Variants in ZBTB7C observed in about 807,000 individuals in gnomAD.
ZBTB7C encodes the protein zinc finger and BTB domain containing 7C, also known as zinc finger and BTB domain-containing protein 7C.
A neutral mutation model predicts 25.7 loss-of-function variants in ZBTB7C; 8 were observed. The ratio of observed to expected loss-of-function variants is 0.31; its 90% CI spans 0.18 to 0.56. The LOEUF is 0.56. ZBTB7C is among the 20% of genes least tolerant of loss of function. The probability of loss-of-function intolerance (pLI) is 0.91; values close to 1 mark genes in which losing one functional copy is unlikely to be tolerated. For synonymous variants in ZBTB7C, 394 were observed against 369.0 expected (o/e 1.07, Z -0.78); for missense variants, 824 against 855.2 (o/e 0.96, Z 0.46).
intron 2 of ZBTB7C, among the ~76,000 whole-genome samples, chr18:48,238,244 T>C (rs927603253): frequency 6.6e-6 from 1 of 152,174 alleles, no homozygotes; most frequent in African/African-American, 2.4e-5. Context: ...TGCATATAAG[T>C]GTTATGCACT....
intron 3 of ZBTB7C, among the ~76,000 whole-genome samples, chr18:48,052,724 G>T (rs1179847424): frequency 6.6e-6 from 1 of 152,214 alleles, no homozygotes; most frequent in Non-Finnish European, 1.5e-5. Context: ...TCCTAGCTCT[G>T]CTCTGCAACT....
rs562341486 is a variant in ZBTB7C at position 48,144,257 on chromosome 18, C to T, written c.-17+41677G>A. On this transcript the variant is annotated intron_variant, in intron 3 of 4. Coordinates refer to ENST00000590800, the MANE Select transcript of ZBTB7C (RefSeq NM_001318841.2). ...TTGCACCACTGCACTCTAGCCTGGGCGACAGAGCAAGACACCTTCTCAAAA... is the reference window on the plus strand; with the variant it reads ...TTGCACCACTGCACTCTAGCCTGGGTGACAGAGCAAGACACCTTCTCAAAA... Among the ~76,000 whole-genome samples the T allele has an allele frequency of 2.4e-3, 357 of 151,136 alleles. 2 individuals are homozygous for T. Among genetic ancestry groups the T allele is most frequent in the Middle Eastern group, 0.014 (4 of 294 alleles).
chr18:48,284,746 G>A (rs559460789), intron 2 of ZBTB7C, among the ~76,000 whole-genome samples: 86 of 140,290 alleles, frequency 6.1e-4, no homozygotes, highest in African/African-American at 2.1e-3. Flanking sequence ...AGCCAAGATC[G>A]TACCACAGCA....
chr18:48,243,975 T>A (rs2043603502), intron 2 of ZBTB7C, among the ~76,000 whole-genome samples: 1 of 152,146 alleles, frequency 6.6e-6, no homozygotes, highest in African/African-American at 2.4e-5. Flanking sequence ...AAGCCACATG[T>A]AGAAGAATGA....
intron 2 of ZBTB7C, among the ~76,000 whole-genome samples, chr18:48,229,235 G>T (rs1034318814): frequency 1.3e-5 from 2 of 152,158 alleles, no homozygotes; most frequent in Admixed American, 1.3e-4. Flanking sequence ...CACCCACTCT[G>T]GTGACTTCAA....
intron 2 of ZBTB7C, among the ~76,000 whole-genome samples, chr18:48,186,853 C>T (rs147944118): frequency 6.6e-6 from 1 of 152,276 alleles, no homozygotes; most frequent in Non-Finnish European, 1.5e-5. Flanking sequence ...TGGCTAAATA[C>T]ATTTTCGAAG....
rs766961340 is a variant in ZBTB7C, at chr18:48,038,086, C to T, written c.1208+1814G>A. On this transcript the variant is annotated intron_variant, in intron 4 of 4. Coordinates refer to ENST00000590800, the MANE Select transcript of ZBTB7C (RefSeq NM_001318841.2). Reference sequence around the variant, plus strand: ...AGGAGGTAGGGGGCAGCATCACCCACGGTGGCATTGGGGTGGCAGGGCTGT... The same window carrying T: ...AGGAGGTAGGGGGCAGCATCACCCATGGTGGCATTGGGGTGGCAGGGCTGT... Among the ~76,000 whole-genome samples, 5 of 152,142 alleles carry T rather than the reference C, an allele frequency of 3.3e-5. No individual in the cohort carries two copies. The East Asian group carries it at 7.7e-4, about 23-fold the overall frequency.
intron 2 of ZBTB7C, among the ~76,000 whole-genome samples, chr18:48,237,454 C>A (rs1200990818): frequency 6.6e-6 from 1 of 152,040 alleles, no homozygotes; most frequent in East Asian, 1.9e-4. Flanking sequence ...GTACAAAAAT[C>A]CAAAAGGCCA....
intron 2 of ZBTB7C, among the ~76,000 whole-genome samples, chr18:48,319,801 A>G (rs558879574): frequency 6.6e-6 from 1 of 152,336 alleles, no homozygotes; most frequent in East Asian, 1.9e-4. Flanking sequence ...TAAATACATA[A>G]TTAAATAAAG....
intron 2 of ZBTB7C, among the ~76,000 whole-genome samples, chr18:48,187,087 T>C (rs2042073989): frequency 6.6e-6 from 1 of 152,122 alleles, no homozygotes; most frequent in Admixed American, 6.5e-5. Context: ...GCAGCTCTGC[T>C]CAAGGGAGGA....
chr18:48,247,549 C>T (rs545128270), intron 2 of ZBTB7C, among the ~76,000 whole-genome samples: 1 of 152,310 alleles, frequency 6.6e-6, no homozygotes, highest in South Asian at 2.1e-4. Flanking sequence ...TGTCCTTGGC[C>T]CCATACCATC....
intron 2 of ZBTB7C, among the ~76,000 whole-genome samples, chr18:48,212,933 T>A (rs183338831): frequency 6.4e-4 from 97 of 152,290 alleles, no homozygotes; most frequent in Non-Finnish European, 8.1e-4. Flanking sequence ...CTACTATGTG[T>A]GGGGGCTACA....
At chr18:48,048,915 T>A (rs2036578906) in intron 3 of ZBTB7C, among the ~76,000 whole-genome samples, 2 of 152,162 alleles carry the variant, frequency 1.3e-5, no homozygotes, top group Admixed American at 1.3e-4. Flanking sequence ...ACGTCCATTT[T>A]ACAGATGAGA....
chr18:48,252,280 C>A (rs745818897), intron 2 of ZBTB7C: 1 of 152,138 alleles, frequency 6.6e-6, no homozygotes, highest in African/African-American at 2.4e-5. Flanking sequence ...CCTTCCTGAC[C>A]TTCCATTTCT....
At position 48,237,841 on chromosome 18, in the gene ZBTB7C, C is replaced by T. The variant is rs1011122523; in HGVS notation, c.-78-51846G>A. ...CCCAAAATGGAAATAACCAAATATC[C>T]AATCAGTAATGGAAATACTTTTTTA... On this transcript the variant is annotated intron_variant, in intron 2 of 4. Coordinates refer to ENST00000590800, the MANE Select transcript of ZBTB7C (RefSeq NM_001318841.2). Among the ~76,000 whole-genome samples the T allele has an allele frequency of 5.3e-5, 8 of 152,210 alleles. No homozygotes were observed. In the South Asian group the frequency reaches 1.7e-3, roughly 32 times the overall value.
At chr18:48,270,253 CTTTTTTTT>C (rs760096959) in intron 2 of ZBTB7C, among the ~76,000 whole-genome samples, 1 of 98,754 alleles carries the variant, frequency 1.0e-5, no homozygotes, top group Non-Finnish European at 2.0e-5. Context: ...TTCTCTCTTT[CTTTTTTTT>C]TTTTTTTTTT....
At chr18:48,179,568 C>G (rs933248213) in intron 3 of ZBTB7C, among the ~76,000 whole-genome samples, 1 of 152,038 alleles carries the variant, frequency 6.6e-6, no homozygotes, top group Non-Finnish European at 1.5e-5. Flanking sequence ...AGCTTGGAAG[C>G]CAGGGTGGGA....
At chr18:48,044,153 T>C (rs1267963055) in intron 3 of ZBTB7C, among the ~76,000 whole-genome samples, 1 of 152,196 alleles carries the variant, frequency 6.6e-6, no homozygotes, top group African/African-American at 2.4e-5. Context: ...TGACAAACCA[T>C]TCCACTTCTG....
chr18:48,397,627 T>C (rs574615596), intron 1 of ZBTB7C, among the ~76,000 whole-genome samples: 1 of 152,156 alleles, frequency 6.6e-6, no homozygotes, highest in Non-Finnish European at 1.5e-5. Flanking sequence ...TGCTCAGCAA[T>C]GTCATTTCTC....
Sources: allele counts gnomAD v4.1 joint callset (sites outside exome capture counted in the v4.1 genomes callset), GRCh38; gene constraint gnomAD v4.1.1; transcripts MANE v1.5; gene names NCBI Gene and HGNC (gene_info 2026-07-23, HGNC 2026-07-21).